Variants in IL23R observed in about 807,000 individuals in gnomAD.
The protein encoded by IL23R is interleukin-23 receptor.
A neutral mutation model predicts 56.9 loss-of-function variants in IL23R; 34 were observed. The observed-to-expected ratio is 0.60, with a 90% CI of 0.45 to 0.80. The LOEUF is 0.80. Ranked by LOEUF, IL23R falls within the 30% of genes least tolerant of loss-of-function variation. The probability of loss-of-function intolerance (pLI) is 0.00; values close to 1 mark genes in which losing one functional copy is unlikely to be tolerated. For synonymous variants in IL23R, 230 were observed against 249.2 expected (o/e 0.92, Z 0.73); for missense variants, 635 against 730.0 (o/e 0.87, Z 1.50).
intron 3 of IL23R, among the ~76,000 whole-genome samples, chr1:67,173,098 A>C (rs769213475): frequency 6.6e-6 from 1 of 152,142 alleles, no homozygotes; most frequent in Non-Finnish European, 1.5e-5. Flanking sequence ...AAGAAAGAGC[A>C]AAAACATAAG....
intron 10 of IL23R, among the ~76,000 whole-genome samples, chr1:67,257,665 C>T (rs964290111): frequency 6.6e-6 from 1 of 152,176 alleles, no homozygotes; most frequent in Non-Finnish European, 1.5e-5. Context: ...TCCTTATCAT[C>T]ACAAACATGT....
chr1:67,154,499 T>G (rs1475083440), intron 1 of IL23R, among the ~76,000 whole-genome samples: 1 of 152,232 alleles, frequency 6.6e-6, no homozygotes, highest in Non-Finnish European at 1.5e-5. Flanking sequence ...TTGATCCCTT[T>G]ACCATTATGT....
At chr1:67,171,422 G>A (rs763646152) in intron 3 of IL23R, among the ~76,000 whole-genome samples, 1 of 152,090 alleles carries the variant, frequency 6.6e-6, no homozygotes, top group Non-Finnish European at 1.5e-5. Context: ...ATAGTGATAT[G>A]GGCTGGCTTG....
chr1:67,247,738 T>C (rs893420630), intron 9 of IL23R, among the ~76,000 whole-genome samples: 6 of 152,240 alleles, frequency 3.9e-5, no homozygotes, highest in African/African-American at 1.2e-4. Flanking sequence ...TTGGTATGTT[T>C]TTGCAGTGGC....
intron 7 of IL23R, among the ~76,000 whole-genome samples, chr1:67,227,948 T>TTCTTTC (rs1553294927): frequency 0.065 from 1,035 of 15,814 alleles, 318 homozygotes; most frequent in Non-Finnish European, 0.1. Context: ...AGATCTTTCT[T>TTCTTTC]TCTTTCTTTC....
chr1:67,216,156 G>A (rs951301507), intron 6 of IL23R, among the ~76,000 whole-genome samples: 27 of 152,172 alleles, frequency 1.8e-4, no homozygotes, highest in African/African-American at 5.3e-4. Flanking sequence ...ACCTACTTCC[G>A]TATACTCTGT....
chr1:67,254,630 A>C (rs1441934917), intron 9 of IL23R, among the ~76,000 whole-genome samples: 1 of 152,176 alleles, frequency 6.6e-6, no homozygotes, highest in Non-Finnish European at 1.5e-5. Flanking sequence ...TTGGGCTAGC[A>C]AAGTTCACTC....
chr1:67,149,297 G>A (rs547770242), intron 1 of IL23R, among the ~76,000 whole-genome samples: 1 of 152,240 alleles, frequency 6.6e-6, no homozygotes, highest in East Asian at 1.9e-4. Context: ...TGTTAGCCTC[G>A]TTGGCCACCC....
chr1:67,153,412 G>A (rs947473910), intron 1 of IL23R, among the ~76,000 whole-genome samples: 7 of 151,514 alleles, frequency 4.6e-5, no homozygotes, highest in Admixed American at 6.6e-5. Flanking sequence ...TGGATTCATC[G>A]ATTTTTTGAA....
At position 67,259,023 on chromosome 1, in the gene IL23R, C is replaced by T. The variant is rs1653102754; in HGVS notation, c.1785C>T (p.Val595=). The T allele has an allele frequency of 6.2e-7, 1 of 1,614,018 alleles. No homozygotes were observed. The highest frequency in any genetic ancestry group is 8.5e-7 in the Non-Finnish European group (1 of 1,179,976). The change falls in exon 11 of 11, where the codon GTC becomes GTT. Residue 595 remains valine, a synonymous_variant. Transcript: ENST00000347310. The stretch of plus-strand genomic sequence containing the variant: ...AGACCCTGCTTCCTGATGAATTTGT[C>T]TCCTGTTTGGGGATCGTGAATGAGG... ...PEQTLLPDEF[V]SCLGIVNEEL...
chr1:67,153,744 T>C (rs1249920083), intron 1 of IL23R, among the ~76,000 whole-genome samples: 1 of 150,556 alleles, frequency 6.6e-6, no homozygotes, highest in African/African-American at 2.5e-5. Context: ...AGTTTCCATG[T>C]AGTGTGTGGT....
chr1:67,160,228 A>G, intron 1 of IL23R, among the ~76,000 whole-genome samples: 1 of 152,322 alleles, frequency 6.6e-6, no homozygotes, highest in East Asian at 1.9e-4. Flanking sequence ...TATGACTTTG[A>G]GAAGCTGACA....
chr1:67,200,607 A>G (rs1648555918), intron 4 of IL23R, 130 bp from the exon 5 acceptor site: 1 of 778,104 alleles, frequency 1.3e-6, no homozygotes, highest in Non-Finnish European at 2.2e-6. Context: ...CTGGTCTCGA[A>G]CTCCTGACCT....
chr1:67,175,738 A>G (rs1646999425), intron 3 of IL23R, among the ~76,000 whole-genome samples: 1 of 152,226 alleles, frequency 6.6e-6, no homozygotes, highest in Non-Finnish European at 1.5e-5. Flanking sequence ...GTAGTGGAAA[A>G]TGTGCAAGAG....
At chr1:67,193,171 C>T (rs1333814589) in intron 4 of IL23R, among the ~76,000 whole-genome samples, 1 of 152,196 alleles carries the variant, frequency 6.6e-6, no homozygotes, top group Non-Finnish European at 1.5e-5. Flanking sequence ...CACAGGGTTT[C>T]CTTATTGCCC....
In IL23R at chr1:67,245,525, T is replaced by C. The variant is rs137908585; in HGVS notation, c.1148+5244T>C. Among the ~76,000 whole-genome samples, 1,036 of 152,328 alleles carry C rather than the reference T, an allele frequency of 6.8e-3. 13 individuals carry two copies. The highest frequency in any genetic ancestry group is 0.024 in the African/African-American group (996 of 41,568). ...TGAGAGTTTTTAGCATGAAGGGCTGTTGAATTTTGTCAAAGGCCTTTTCTG... is the reference window on the plus strand; with the variant it reads ...TGAGAGTTTTTAGCATGAAGGGCTGCTGAATTTTGTCAAAGGCCTTTTCTG... On this transcript the variant is annotated intron_variant, in intron 9 of 10. Transcript: ENST00000347310.
chr1:67,259,136 T>G lies in IL23R; in HGVS notation c.*8T>G. 1 of 1,613,622 alleles carries G rather than the reference T, an allele frequency of 6.2e-7. No individual in the cohort carries two copies. Among genetic ancestry groups the G allele is most frequent in the Non-Finnish European group, 8.5e-7 (1 of 1,179,740 alleles). On this transcript the variant is annotated 3_prime_UTR_variant, in exon 11 of 11. Transcript: ENST00000347310. Reference sequence around the variant, plus strand: ...TCACTCTTGGAAAAGTAGAGCTGTGTGGTCAAAATCAATATGAGAAAGCTG... The same window carrying G: ...TCACTCTTGGAAAAGTAGAGCTGTGGGGTCAAAATCAATATGAGAAAGCTG...
At chr1:67,158,192 G>T (rs1256870283) in intron 1 of IL23R, among the ~76,000 whole-genome samples, 1 of 151,884 alleles carries the variant, frequency 6.6e-6, no homozygotes, top group Non-Finnish European at 1.5e-5. Flanking sequence ...CTCCATCCTG[G>T]GCAACAGAGC....
At position 67,169,567 on chromosome 1, in the gene IL23R, T is replaced by C; in HGVS notation, c.296T>C (p.Met99Thr). The C allele has an allele frequency of 6.2e-7, 1 of 1,614,064 alleles. No homozygotes were observed. The highest frequency in any genetic ancestry group is 2.2e-5 in the East Asian group (1 of 44,876). The change falls in exon 3 of 11, where the codon ATG becomes ACG. Residue 99 changes from methionine to threonine, a missense_variant. Physicochemically the swap from Met to Thr is moderately conservative, Grantham distance 81. Coordinates refer to ENST00000347310, the MANE Select transcript of IL23R (RefSeq NM_144701.3). Reference sequence around the variant, plus strand: ...AACTTTCTGGAACCACATGCTTCTATGTACTGCACTGCTGAATGTCCCAAA... The same window carrying C: ...AACTTTCTGGAACCACATGCTTCTACGTACTGCACTGCTGAATGTCCCAAA... ...YKNFLEPHAS[M>T]YCTAECPKHF...
Sources: allele counts gnomAD v4.1 joint callset (sites outside exome capture counted in the v4.1 genomes callset), GRCh38; gene constraint gnomAD v4.1.1; transcripts MANE v1.5; gene names NCBI Gene and HGNC (gene_info 2026-07-23, HGNC 2026-07-21).